Variants in B3GALT1 observed in about 807,000 individuals in gnomAD.
B3GALT1 encodes beta-1,3-galactosyltransferase 1, also known as UDP-Gal:betaGlcNAc beta 1,3-galactosyltransferase, polypeptide 1.
A neutral mutation model predicts 23.2 loss-of-function variants in B3GALT1; 10 were observed. The ratio of observed to expected loss-of-function variants is 0.43; its 90% CI spans 0.27 to 0.73. The LOEUF is 0.73. B3GALT1 is among the 30% of genes least tolerant of loss of function. The pLI is 0.21. For synonymous variants in B3GALT1, 156 were observed against 141.5 expected, an observed-to-expected ratio of 1.10 and a Z score of -0.73; for missense variants, 299 against 405.4, an observed-to-expected ratio of 0.74 and a Z score of 2.25.
intron 1 of B3GALT1, among the ~76,000 whole-genome samples, chr2:167,318,319 C>CAAA (rs1157322034): frequency 2.0e-5 from 3 of 151,998 alleles, no homozygotes; most frequent in Non-Finnish European, 4.4e-5. Flanking sequence ...AACTCTGTCT[C>CAAA]AAAACAAACA....
intron 2 of B3GALT1, among the ~76,000 whole-genome samples, chr2:167,560,645 G>A (rs942285668): frequency 6.6e-6 from 1 of 151,298 alleles, no homozygotes; most frequent in African/African-American, 2.4e-5. Context: ...AAAAAGGCAG[G>A]GGTTGCAATC....
intron 4 of B3GALT1, among the ~76,000 whole-genome samples, chr2:167,824,870 C>T (rs1181861560): frequency 6.6e-6 from 1 of 152,124 alleles, no homozygotes; most frequent in East Asian, 1.9e-4. Flanking sequence ...TTCAGATGCC[C>T]TTCAGATATC....
At chr2:167,611,543 G>A (rs1332198160) in intron 2 of B3GALT1, among the ~76,000 whole-genome samples, 2 of 152,008 alleles carry the variant, frequency 1.3e-5, no homozygotes, top group African/African-American at 4.8e-5. Context: ...TGGCAAGATG[G>A]CTGATTTCTA....
At chr2:167,577,756 A>T (rs962081235) in intron 2 of B3GALT1, among the ~76,000 whole-genome samples, 13 of 151,928 alleles carry the variant, frequency 8.6e-5, no homozygotes, top group African/African-American at 2.4e-4. Context: ...CCTATAGGTC[A>T]TGCAGTGTTA....
At chr2:167,323,348 A>T (rs1490117445) in intron 1 of B3GALT1, among the ~76,000 whole-genome samples, 2 of 152,092 alleles carry the variant, frequency 1.3e-5, no homozygotes, top group Non-Finnish European at 2.9e-5. Context: ...TCCTTAGTTG[A>T]GGTCTGTGTA....
intron 3 of B3GALT1, among the ~76,000 whole-genome samples, chr2:167,730,903 A>T (rs1189962402): frequency 2.0e-5 from 3 of 152,212 alleles, no homozygotes; most frequent in African/African-American, 7.2e-5. Flanking sequence ...GCCATACTCC[A>T]TACGAATTTC....
intron 1 of B3GALT1, among the ~76,000 whole-genome samples, chr2:167,377,312 T>C (rs1198785576): frequency 6.6e-6 from 1 of 152,086 alleles, no homozygotes; most frequent in East Asian, 1.9e-4. Flanking sequence ...TATATTGTGG[T>C]TGATGGGTAG....
At chr2:167,685,232 C>T (rs376189957) in intron 3 of B3GALT1, among the ~76,000 whole-genome samples, 2 of 152,156 alleles carry the variant, frequency 1.3e-5, no homozygotes, top group African/African-American at 4.8e-5. Context: ...AAACACAGCA[C>T]TTGGCATGGT....
intron 2 of B3GALT1, among the ~76,000 whole-genome samples, chr2:167,494,347 A>C (rs1162673689): frequency 6.6e-6 from 1 of 151,976 alleles, no homozygotes; most frequent in Non-Finnish European, 1.5e-5. Context: ...AAAAAAAAAA[A>C]GATATCAGTT....
chr2:167,548,364 T>C (rs970509082), intron 2 of B3GALT1, among the ~76,000 whole-genome samples: 2 of 152,220 alleles, frequency 1.3e-5, no homozygotes, highest in Non-Finnish European at 2.9e-5. Context: ...GATCTCTTTC[T>C]CTCTCATAAA....
intron 3 of B3GALT1, among the ~76,000 whole-genome samples, chr2:167,671,270 A>G (rs1411063607): frequency 2.6e-5 from 4 of 152,272 alleles, no homozygotes; most frequent in South Asian, 4.1e-4. Flanking sequence ...AAAAAAATCA[A>G]TAAGGAAACA....
At chr2:167,494,536 G>A (rs188782492) in intron 2 of B3GALT1, among the ~76,000 whole-genome samples, 53 of 152,146 alleles carry the variant, frequency 3.5e-4, no homozygotes, top group Admixed American at 1.3e-3. Context: ...CTCTATAACT[G>A]TATGTTTGAT....
intron 1 of B3GALT1, among the ~76,000 whole-genome samples, chr2:167,445,678 T>G (rs1698972943): frequency 6.6e-6 from 1 of 152,210 alleles, no homozygotes; most frequent in African/African-American, 2.4e-5. Flanking sequence ...GACACTAGGA[T>G]TGGAACCCCT....
chr2:167,413,036 GA>G (rs1698413788), intron 1 of B3GALT1, among the ~76,000 whole-genome samples: 1 of 152,104 alleles, frequency 6.6e-6, no homozygotes, highest in East Asian at 1.9e-4. Context: ...ATAACGTCTA[GA>G]AGAGTAGCAG....
chr2:167,511,447 T>A (rs1700002555), intron 2 of B3GALT1, among the ~76,000 whole-genome samples: 1 of 152,154 alleles, frequency 6.6e-6, no homozygotes, highest in Admixed American at 6.5e-5. Context: ...AGGATGTGTT[T>A]GCTTCCCTTT....
intron 3 of B3GALT1, among the ~76,000 whole-genome samples, chr2:167,748,676 G>C (rs193097958): frequency 8.9e-4 from 136 of 152,278 alleles, no homozygotes; most frequent in African/African-American, 3.2e-3. Flanking sequence ...CCAGAGGCAG[G>C]TATTGAAGTC....
intron 1 of B3GALT1, among the ~76,000 whole-genome samples, chr2:167,373,483 TCAAA>T (rs1349744015): frequency 1.3e-5 from 2 of 150,244 alleles, no homozygotes; most frequent in South Asian, 2.3e-4. Context: ...AATACATATA[TCAAA>T]CAAACGACTG....
At chr2:167,367,302 C>T (rs1272131009) in intron 1 of B3GALT1, among the ~76,000 whole-genome samples, 1 of 152,040 alleles carries the variant, frequency 6.6e-6, no homozygotes, top group Non-Finnish European at 1.5e-5. Context: ...TATTTTTTCC[C>T]CTTAAGCAAT....
chr2:167,612,001 C>T (rs1304869587), intron 2 of B3GALT1, among the ~76,000 whole-genome samples: 1 of 151,988 alleles, frequency 6.6e-6, no homozygotes, highest in Non-Finnish European at 1.5e-5. Flanking sequence ...TGATGAATTG[C>T]TTTAGTTCCT....
Sources: gnomAD v4.1 joint callset for allele counts (sites outside exome capture counted in the v4.1 genomes callset) on GRCh38, gnomAD v4.1.1 for gene constraint, MANE v1.5 for transcripts, NCBI Gene and HGNC (gene_info 2026-07-23, HGNC 2026-07-21) for gene names.